Variants in SLC71A2 observed in about 807,000 individuals in gnomAD.
The protein encoded by SLC71A2 is hippocampus abundant transcript-like 1.
At chr9:94,453,140 T>A in the SLC71A2 span, among the ~76,000 whole-genome samples, 1 of 145,980 alleles carries the variant, frequency 6.9e-6, no homozygotes, top group Non-Finnish European at 1.5e-5. Context: ...AAACATAAAC[T>A]CAGCCATCTT....
the SLC71A2 span, among the ~76,000 whole-genome samples, chr9:94,439,913 C>A: frequency 2.6e-5 from 4 of 152,012 alleles, no homozygotes; most frequent in Non-Finnish European, 1.5e-5. Context: ...AGTTTTCATA[C>A]TGCTCACTGC....
the SLC71A2 span, among the ~76,000 whole-genome samples, chr9:94,450,237 T>C: frequency 4.6e-5 from 7 of 152,296 alleles, no homozygotes; most frequent in African/African-American, 1.7e-4. Flanking sequence ...TTAACAATAA[T>C]ATATATTTAC....
At chr9:94,409,129 C>CTTTTTTTTTTTTTTT in the SLC71A2 span, among the ~76,000 whole-genome samples, 1 of 68,240 alleles carries the variant, frequency 1.5e-5, no homozygotes, top group African/African-American at 7.5e-5. Flanking sequence ...GCCCGGCCTC[C>CTTTTTTTTTTTTTTT]TTTTTTTTTT....
the SLC71A2 span, among the ~76,000 whole-genome samples, chr9:94,456,796 TTGTTGATAGA>T: frequency 1.3e-5 from 2 of 152,162 alleles, no homozygotes; most frequent in Non-Finnish European, 2.9e-5. Flanking sequence ...GTCTGTGTGG[TTGTTGATAGA>T]TGTTGAGTGA....
the SLC71A2 span, among the ~76,000 whole-genome samples, chr9:94,417,492 T>C: frequency 1.3e-5 from 2 of 152,044 alleles, no homozygotes; most frequent in Non-Finnish European, 2.9e-5. Context: ...CTGGGCGTGG[T>C]GGTGCACACC....
the SLC71A2 span, among the ~76,000 whole-genome samples, chr9:94,417,858 A>T: frequency 1.7e-5 from 1 of 60,476 alleles, no homozygotes; most frequent in Non-Finnish European, 3.5e-5. Flanking sequence ...TTCCCACCCC[A>T]CCCCCCCCCC....
At chr9:94,397,346 C>G in the SLC71A2 span, among the ~76,000 whole-genome samples, 1 of 152,178 alleles carries the variant, frequency 6.6e-6, no homozygotes, top group East Asian at 1.9e-4. Context: ...TGGTGGCTCA[C>G]ACTACTTTGG....
chr9:94,453,016 T>G, the SLC71A2 span, among the ~76,000 whole-genome samples: 3 of 152,054 alleles, frequency 2.0e-5, no homozygotes, highest in Non-Finnish European at 4.4e-5. Flanking sequence ...TTGACAAGGC[T>G]TATGGGAATG....
At chr9:94,424,632 G>C in the SLC71A2 span, among the ~76,000 whole-genome samples, 1 of 150,720 alleles carries the variant, frequency 6.6e-6, no homozygotes, top group East Asian at 1.9e-4. Flanking sequence ...TTTATAATCA[G>C]CTCTTCAATA....
At chr9:94,460,663 A>G in the SLC71A2 span, 2 of 139,012 alleles carry the variant, frequency 1.4e-5, no homozygotes, top group Admixed American at 1.6e-4. Flanking sequence ...ATATATGTAG[A>G]TATTTGTAAA....
chr9:94,406,539 G>A, the SLC71A2 span, among the ~76,000 whole-genome samples: 11 of 151,932 alleles, frequency 7.2e-5, no homozygotes, highest in East Asian at 3.9e-4. Context: ...GTGCCCAGCC[G>A]TTTTTTGATT....
At chr9:94,435,690 T>TC in the SLC71A2 span, among the ~76,000 whole-genome samples, 152 of 150,248 alleles carry the variant, frequency 1.0e-3, no homozygotes, top group African/African-American at 3.4e-3. Flanking sequence ...GTTTTGCTCT[T>TC]GTTGCCCAGG....
the SLC71A2 span, among the ~76,000 whole-genome samples, chr9:94,413,984 C>G: frequency 5.9e-5 from 9 of 152,092 alleles, no homozygotes; most frequent in Admixed American, 1.3e-4. Flanking sequence ...TAGTCTTGAT[C>G]TTTGGCAATC....
chr9:94,405,421 G>A, the SLC71A2 span, among the ~76,000 whole-genome samples: 42 of 151,956 alleles, frequency 2.8e-4, no homozygotes, highest in African/African-American at 9.7e-4. Context: ...CATGAACCCG[G>A]GAGGTGGACC....
At chr9:94,422,253 C>T in the SLC71A2 span, among the ~76,000 whole-genome samples, 1 of 152,162 alleles carries the variant, frequency 6.6e-6, no homozygotes, top group African/African-American at 2.4e-5. Context: ...ATGCACCTGG[C>T]TTCCTCCAGA....
At chr9:94,419,268 C>G in the SLC71A2 span, among the ~76,000 whole-genome samples, 1 of 151,188 alleles carries the variant, frequency 6.6e-6, no homozygotes, top group Non-Finnish European at 1.5e-5. Context: ...TGTGCACCAC[C>G]ACGCTTGGCT....
the SLC71A2 span, among the ~76,000 whole-genome samples, chr9:94,378,126 C>CA: frequency 0.49 from 69,625 of 141,294 alleles, 16,722 homozygotes; most frequent in East Asian, 0.6. Flanking sequence ...ACTCCATTTC[C>CA]AAAAAAAAAA....
chr9:94,395,771 T>C, the SLC71A2 span, among the ~76,000 whole-genome samples: 5 of 152,206 alleles, frequency 3.3e-5, no homozygotes, highest in South Asian at 8.3e-4. Flanking sequence ...ATTATTATGG[T>C]TGAATTAGAT....
At chr9:94,404,405 T>C in the SLC71A2 span, among the ~76,000 whole-genome samples, 23,692 of 151,486 alleles carry the variant, frequency 0.16, 2,447 homozygotes, top group Non-Finnish European at 0.22. Context: ...AAGCAGTTCT[T>C]CTGCTTCAGC....
Sources: allele counts gnomAD v4.1 joint callset (sites outside exome capture counted in the v4.1 genomes callset), GRCh38; gene constraint gnomAD v4.1.1; transcripts MANE v1.5; gene names NCBI Gene and HGNC (gene_info 2026-07-23, HGNC 2026-07-21).